SLC44A1: variants seen among roughly 807,000 people sequenced by gnomAD.
SLC44A1 encodes solute carrier family 44 member 1, also known as choline transporter-like protein 1.
A neutral mutation model predicts 79.3 loss-of-function variants in SLC44A1; 26 were observed. The ratio of observed to expected loss-of-function variants is 0.33; its 90% CI spans 0.24 to 0.46. The LOEUF is 0.46. Among genes scored for constraint, SLC44A1 ranks in the 20% least tolerant of loss-of-function variants. The probability of loss-of-function intolerance (pLI) is 1.00; values close to 1 mark genes in which losing one functional copy is unlikely to be tolerated. For missense variants in SLC44A1, 688 were observed against 798.1 expected, an observed-to-expected ratio of 0.86 and a Z score of 1.66; for synonymous variants, 263 against 286.2, an observed-to-expected ratio of 0.92 and a Z score of 0.82.
intron 15 of SLC44A1, among the ~76,000 whole-genome samples, chr9:105,409,378 C>T (rs901972735): frequency 2.0e-5 from 3 of 152,190 alleles, no homozygotes; most frequent in African/African-American, 7.2e-5. Flanking sequence ...GCATCAATAA[C>T]ATATAGCAAT....
chr9:105,385,402 A>G lies in SLC44A1; in HGVS notation c.1870-20A>G, dbSNP rs16924542. The G allele has an allele frequency of 3.5e-3, 5,270 of 1,524,836 alleles. 152 individuals carry two copies. The African/African-American group carries it at 0.063, about 18-fold the overall frequency. 94.5% of individuals were successfully genotyped at this position (1,524,836 alleles called of 1,614,324 possible). A position where few individuals can be genotyped will look rare whatever the true frequency, so the allele number is the denominator to read the frequency against. ...CTGAAAGGACCCAAGAATTTATTCA[A>G]TATGGTCCATATTTTGCAGGAGTTT... is the stretch of plus-strand genomic sequence containing the variant. On this transcript the variant is annotated intron_variant, in intron 14 of 15. Transcript: ENST00000374720.
At chr9:105,383,679 G>C (rs1490437619) in intron 14 of SLC44A1, among the ~76,000 whole-genome samples, 1 of 152,200 alleles carries the variant, frequency 6.6e-6, no homozygotes, top group Non-Finnish European at 1.5e-5. Flanking sequence ...GCCTTTTCCT[G>C]AAATGGGGCT....
At chr9:105,288,080 A>G (rs182055008) in intron 1 of SLC44A1, among the ~76,000 whole-genome samples, 66 of 152,332 alleles carry the variant, frequency 4.3e-4, no homozygotes, top group Non-Finnish European at 4.9e-4. Flanking sequence ...TAAAAATTGC[A>G]TCATCCCTTT....
At chr9:105,279,051 A>G (rs1480099969) in intron 1 of SLC44A1, among the ~76,000 whole-genome samples, 1 of 151,914 alleles carries the variant, frequency 6.6e-6, no homozygotes, top group Non-Finnish European at 1.5e-5. Flanking sequence ...TTGCCCTTCA[A>G]CCCGGGAACC....
chr9:105,312,238 A>T (rs1483778196), intron 3 of SLC44A1, among the ~76,000 whole-genome samples: 1 of 152,204 alleles, frequency 6.6e-6, no homozygotes, highest in African/African-American at 2.4e-5. Flanking sequence ...CCCAATCTGC[A>T]CATGGCTAAA....
chr9:105,300,227 T>G (rs1204366424), intron 2 of SLC44A1, among the ~76,000 whole-genome samples: 1 of 152,170 alleles, frequency 6.6e-6, no homozygotes, highest in African/African-American at 2.4e-5. Flanking sequence ...CCCAGGTCTG[T>G]TCACTTCCAG....
chr9:105,435,492 G>C (rs1033660993), intron 15 of SLC44A1, among the ~76,000 whole-genome samples: 9 of 152,190 alleles, frequency 5.9e-5, no homozygotes, highest in African/African-American at 2.2e-4. Flanking sequence ...ATAGTCATGA[G>C]GTGGGGGGAG....
intron 15 of SLC44A1, among the ~76,000 whole-genome samples, chr9:105,406,696 T>G (rs1564054325): frequency 6.6e-6 from 1 of 152,158 alleles, no homozygotes; most frequent in Non-Finnish European, 1.5e-5. Context: ...GAGCTGAGAT[T>G]GAGCCACTGC....
At chr9:105,399,353 C>T (rs1392713692), downstream of SLC44A1, among the ~76,000 whole-genome samples, 1 of 152,174 alleles carries the variant, frequency 6.6e-6, no homozygotes, top group Non-Finnish European at 1.5e-5. Context: ...CAAAACAAAG[C>T]GGCTTTCAGT....
At chr9:105,428,818 C>G (rs1012782850) in intron 15 of SLC44A1, among the ~76,000 whole-genome samples, 1 of 152,098 alleles carries the variant, frequency 6.6e-6, no homozygotes, top group Non-Finnish European at 1.5e-5. Flanking sequence ...TCCTGCCTCA[C>G]CCTCTGGAGT....
chr9:105,361,999 C>G (rs753515019), intron 8 of SLC44A1, among the ~76,000 whole-genome samples: 7 of 152,078 alleles, frequency 4.6e-5, no homozygotes, highest in Non-Finnish European at 1.0e-4. Context: ...GCATTACAGC[C>G]TAGGCAACTG....
In SLC44A1 at chr9:105,392,493, C is replaced by T; in HGVS notation, c.*3437C>T. On this transcript the variant is annotated 3_prime_UTR_variant, in exon 16 of 16. Transcript: ENST00000374720. ...CAATACCACTGATCTTGGTATCTGCCAAGGGCTTCCTTGCCTTCCCTGGGC... is the reference window on the plus strand; with the variant it reads ...CAATACCACTGATCTTGGTATCTGCTAAGGGCTTCCTTGCCTTCCCTGGGC... 1 of 978,952 alleles carries T rather than the reference C, an allele frequency of 1.0e-6. No individual in the cohort carries two copies. The highest frequency in any genetic ancestry group is 1.2e-6 in the Non-Finnish European group (1 of 829,112). 60.6% of individuals were successfully genotyped at this position (978,952 alleles called of 1,614,324 possible). A position where few individuals can be genotyped will look rare whatever the true frequency, so the allele number is the denominator to read the frequency against.
intron 4 of SLC44A1, among the ~76,000 whole-genome samples, chr9:105,339,086 A>C (rs1827010705): frequency 1.3e-5 from 2 of 152,226 alleles, no homozygotes; most frequent in Non-Finnish European, 1.5e-5. Context: ...CAACAAAAGA[A>C]AAAATACATA....
intron 13 of SLC44A1, among the ~76,000 whole-genome samples, chr9:105,377,977 G>A (rs1828345996): frequency 6.6e-6 from 1 of 152,184 alleles, no homozygotes; most frequent in Admixed American, 6.5e-5. Flanking sequence ...GCCGGGCACG[G>A]TGGCTCACGC....
chr9:105,304,958 T>TTG (rs1460355646), intron 2 of SLC44A1, among the ~76,000 whole-genome samples: 2 of 95,592 alleles, frequency 2.1e-5, no homozygotes, highest in African/African-American at 9.7e-5. Context: ...TTTTTTTTTT[T>TTG]TTTTTTTTTT....
downstream of SLC44A1, among the ~76,000 whole-genome samples, chr9:105,400,296 C>T (rs1828940059): frequency 6.6e-6 from 1 of 152,094 alleles, no homozygotes; most frequent in African/African-American, 2.4e-5. Context: ...CGAGACCGTC[C>T]TGGCCAACAT....
At chr9:105,271,310 A>G (rs1176259279) in intron 1 of SLC44A1, among the ~76,000 whole-genome samples, 4 of 152,168 alleles carry the variant, frequency 2.6e-5, no homozygotes, top group Non-Finnish European at 5.9e-5. Flanking sequence ...ACTCTCATTT[A>G]TCTTATTGCT....
intron 13 of SLC44A1, among the ~76,000 whole-genome samples, chr9:105,382,743 T>C (rs1420571838): frequency 6.6e-6 from 1 of 152,160 alleles, no homozygotes; most frequent in Non-Finnish European, 1.5e-5. Context: ...AAAAAATACA[T>C]ACCATTACAC....
At chr9:105,259,688 GA>G (rs1829798055) in intron 1 of SLC44A1, among the ~76,000 whole-genome samples, 1 of 152,174 alleles carries the variant, frequency 6.6e-6, no homozygotes, top group South Asian at 2.1e-4. Flanking sequence ...CAATTCTAAA[GA>G]TACCAAGTTT....
Sources: gnomAD v4.1 joint callset for allele counts (sites outside exome capture counted in the v4.1 genomes callset) on GRCh38, gnomAD v4.1.1 for gene constraint, MANE v1.5 for transcripts, NCBI Gene and HGNC (gene_info 2026-07-23, HGNC 2026-07-21) for gene names.